CHRM3: variants seen among roughly 807,000 people sequenced by gnomAD.
The protein encoded by CHRM3 is muscarinic acetylcholine receptor M3.
In CHRM3, 11 loss-of-function variants were observed where a neutral mutation model predicts 41.8. The ratio of observed to expected loss-of-function variants is 0.26; its 90% CI spans 0.17 to 0.44. CHRM3 has a LOEUF of 0.44. Among genes scored for constraint, CHRM3 ranks in the 20% least tolerant of loss-of-function variants. The pLI is 1.00. For synonymous variants in CHRM3, 297 were observed against 301.4 expected, an observed-to-expected ratio of 0.99 and a Z score of 0.15; for missense variants, 571 against 745.4, an observed-to-expected ratio of 0.77 and a Z score of 2.72.
In CHRM3 at chr1:239,880,163, A is replaced by C. The variant is rs569245064; in HGVS notation, c.-19-27270A>C. Among the ~76,000 whole-genome samples the C allele has an allele frequency of 3.3e-5, 5 of 152,348 alleles. No individual in the cohort carries two copies. The South Asian group carries it at 1.0e-3, about 32-fold the overall frequency. The stretch of plus-strand genomic sequence containing the variant: ...GAGGCATAGAGAAGGGGGTAAGGAA[A>C]GTGTGGGAACTGGTGATCTGAGCAA... On this transcript the variant is annotated intron_variant, in intron 6 of 6. Coordinates refer to ENST00000676153, the MANE Select transcript of CHRM3 (RefSeq NM_001375978.1).
In CHRM3 at chr1:239,915,104, G is replaced by A. The variant is rs144358565; in HGVS notation, c.*5880G>A. Reference sequence around the variant, plus strand: ...TTTCTCTTGGCAGGAAGCTCTCAGGGAAATGTCTGTGAATCATTTAAAGAT... The same window carrying A: ...TTTCTCTTGGCAGGAAGCTCTCAGGAAAATGTCTGTGAATCATTTAAAGAT... On this transcript the variant is annotated 3_prime_UTR_variant, in exon 7 of 7. Coordinates refer to ENST00000676153, the MANE Select transcript of CHRM3 (RefSeq NM_001375978.1). 2 of 167,190 alleles carry A rather than the reference G, an allele frequency of 1.2e-5. No individual in the cohort carries two copies. Among genetic ancestry groups the A allele is most frequent in the African/African-American group, 4.8e-5 (2 of 41,566 alleles). The allele number at this position is 167,190 out of a possible 1,614,324, so 10.4% of individuals were successfully genotyped here.
intron 2 of CHRM3, among the ~76,000 whole-genome samples, chr1:239,531,888 T>C (rs976578350): frequency 6.6e-6 from 1 of 151,324 alleles, no homozygotes; most frequent in African/African-American, 2.4e-5. Context: ...CTCAATCTCC[T>C]GACCTCGTGA....
At chr1:239,570,298 A>T (rs1442053798) in intron 3 of CHRM3, among the ~76,000 whole-genome samples, 1 of 152,178 alleles carries the variant, frequency 6.6e-6, no homozygotes, top group Non-Finnish European at 1.5e-5. Flanking sequence ...ATCTACTGCC[A>T]TGACTGTAAG....
chr1:239,391,384 C>A (rs118063193), intron 1 of CHRM3, among the ~76,000 whole-genome samples: 28 of 152,294 alleles, frequency 1.8e-4, no homozygotes, highest in East Asian at 3.9e-4. Flanking sequence ...CCTCAGTACA[C>A]CATGATGGAC....
intron 5 of CHRM3, among the ~76,000 whole-genome samples, chr1:239,735,780 A>C (rs1664342981): frequency 6.6e-6 from 1 of 152,086 alleles, no homozygotes; most frequent in African/African-American, 2.4e-5. Flanking sequence ...AATGCTGATA[A>C]ATTTACATTA....
At chr1:239,509,000 G>GA (rs1185149776) in intron 2 of CHRM3, among the ~76,000 whole-genome samples, 1 of 152,136 alleles carries the variant, frequency 6.6e-6, no homozygotes, top group East Asian at 1.9e-4. Context: ...TGGATACACA[G>GA]CAAAAAGACT....
chr1:239,900,224 C>T (rs536879598), intron 6 of CHRM3, among the ~76,000 whole-genome samples: 2 of 152,286 alleles, frequency 1.3e-5, no homozygotes, highest in African/African-American at 4.8e-5. Context: ...TCACCGTAAA[C>T]TGAGGGCTCT....
intron 3 of CHRM3, among the ~76,000 whole-genome samples, chr1:239,611,710 C>G (rs1034651310): frequency 6.6e-6 from 1 of 152,136 alleles, no homozygotes; most frequent in Non-Finnish European, 1.5e-5. Flanking sequence ...TGAGCCACCG[C>G]ACCCAGCCGC....
chr1:239,831,197 C>T (rs192201196), intron 6 of CHRM3, among the ~76,000 whole-genome samples: 10 of 152,248 alleles, frequency 6.6e-5, no homozygotes, highest in Admixed American at 1.3e-4. Flanking sequence ...GACGCTGACT[C>T]GGTCATTTCC....
At chr1:239,425,958 A>G (rs1662333846) in intron 1 of CHRM3, among the ~76,000 whole-genome samples, 1 of 151,978 alleles carries the variant, frequency 6.6e-6, no homozygotes, top group African/African-American at 2.4e-5. Flanking sequence ...CCAGTTGTTC[A>G]CATCTTTTTT....
chr1:239,741,984 C>T (rs1664894515), intron 5 of CHRM3, among the ~76,000 whole-genome samples: 1 of 152,172 alleles, frequency 6.6e-6, no homozygotes, highest in African/African-American at 2.4e-5. Flanking sequence ...TCTTGATTCT[C>T]TTCCTCCCGT....
chr1:239,423,473 G>C (rs1024756882), intron 1 of CHRM3, among the ~76,000 whole-genome samples: 2 of 152,082 alleles, frequency 1.3e-5, no homozygotes, highest in Non-Finnish European at 2.9e-5. Context: ...GATGGAGGCG[G>C]GAATGCAGAA....
At chr1:239,642,157 C>T (rs1489095499) in intron 4 of CHRM3, among the ~76,000 whole-genome samples, 1 of 137,922 alleles carries the variant, frequency 7.3e-6, no homozygotes, top group Non-Finnish European at 1.6e-5. Context: ...ATGGGCTTCC[C>T]TTTGTGGGTA....
intron 2 of CHRM3, among the ~76,000 whole-genome samples, chr1:239,511,306 G>C (rs1275405492): frequency 6.6e-6 from 1 of 152,134 alleles, no homozygotes; most frequent in Non-Finnish European, 1.5e-5. Context: ...TGCAGTACTG[G>C]TTATTGTTTC....
At chr1:239,525,553 G>C (rs1287371668) in intron 2 of CHRM3, among the ~76,000 whole-genome samples, 1 of 152,070 alleles carries the variant, frequency 6.6e-6, no homozygotes, top group Non-Finnish European at 1.5e-5. Context: ...AAGTTCAGCA[G>C]AAGTTGAACA....
intron 6 of CHRM3, among the ~76,000 whole-genome samples, chr1:239,872,137 G>T (rs1024323541): frequency 6.6e-6 from 1 of 152,188 alleles, no homozygotes; most frequent in Non-Finnish European, 1.5e-5. Context: ...CTCTGACTTG[G>T]AGCTGTTTGT....
In CHRM3 at chr1:239,583,105, A is replaced by G. The variant is rs192743220; in HGVS notation, c.-313+37356A>G. Among the ~76,000 whole-genome samples the G allele has an allele frequency of 2.0e-3, 301 of 152,280 alleles. 1 individual carries two copies. Among genetic ancestry groups the G allele is most frequent in the African/African-American group, 6.9e-3 (288 of 41,560 alleles). On this transcript the variant is annotated intron_variant, in intron 3 of 6. Transcript: ENST00000676153. ...ATGGACCATGTGAAGTTCCCTCACC[A>G]TGCTTTAGAGCAGTTGATAGTTTAG...
At chr1:239,872,514 A>T (rs1193772919) in intron 6 of CHRM3, among the ~76,000 whole-genome samples, 1 of 152,216 alleles carries the variant, frequency 6.6e-6, no homozygotes, top group African/African-American at 2.4e-5. Context: ...TCAGCACCAC[A>T]GAAGAGCAAC....
At chr1:239,749,599 T>C (rs1665645666) in intron 5 of CHRM3, among the ~76,000 whole-genome samples, 1 of 152,048 alleles carries the variant, frequency 6.6e-6, no homozygotes, top group South Asian at 2.1e-4. Flanking sequence ...ACCCCAGAGA[T>C]GGAGGCTGTA....
Sources: allele counts gnomAD v4.1 joint callset (sites outside exome capture counted in the v4.1 genomes callset), GRCh38; gene constraint gnomAD v4.1.1; transcripts MANE v1.5; gene names NCBI Gene and HGNC (gene_info 2026-07-23, HGNC 2026-07-21).